RIC1: variants seen among roughly 807,000 people sequenced by gnomAD.
RIC1 encodes the protein RIC1 partner of RAB6A GEF complex.
Under a neutral mutation model 169.0 loss-of-function variants are expected in RIC1, and 88 were observed. The ratio of observed to expected loss-of-function variants is 0.52; its 90% CI spans 0.44 to 0.62. The LOEUF is 0.62. Ranked by LOEUF, RIC1 falls within the 20% of genes least tolerant of loss-of-function variation. The pLI, the probability that RIC1 is intolerant of heterozygous loss-of-function variation, is 0.00. For synonymous variants in RIC1, 790 were observed against 601.5 expected, an observed-to-expected ratio of 1.31 and a Z score of -4.59; for missense variants, 1,877 against 1,725.5, an observed-to-expected ratio of 1.09 and a Z score of -1.56.
At chr9:5,765,878 T>A in intron 21 of RIC1, 80 bp downstream of exon 21, 1 of 1,513,534 alleles carries the variant, frequency 6.6e-7, no homozygotes. Flanking sequence ...AATTAGGTCT[T>A]AATGGAAACA....
At chr9:5,661,191 A>G (rs370350835) in intron 2 of RIC1, among the ~76,000 whole-genome samples, 3 of 152,016 alleles carry the variant, frequency 2.0e-5, no homozygotes, top group Admixed American at 6.6e-5. Context: ...ACGTTGGTCT[A>G]TGTGTTTATT....
At chr9:5,729,643 T>C (rs1200158177) in intron 6 of RIC1, among the ~76,000 whole-genome samples, 1 of 152,172 alleles carries the variant, frequency 6.6e-6, no homozygotes, top group Non-Finnish European at 1.5e-5. Context: ...TTCAGTCATC[T>C]CTCTTTAACT....
chr9:5,646,789 T>C (rs1158085127), intron 1 of RIC1, among the ~76,000 whole-genome samples: 1 of 152,256 alleles, frequency 6.6e-6, no homozygotes, highest in Non-Finnish European at 1.5e-5. Context: ...GTAGTAGCCA[T>C]TGATGCACAG....
intron 2 of RIC1, among the ~76,000 whole-genome samples, chr9:5,687,028 C>G (rs1234221405): frequency 6.6e-6 from 1 of 152,194 alleles, no homozygotes; most frequent in Admixed American, 6.5e-5. Flanking sequence ...CTTTAACAGA[C>G]ATTGGCTTTT....
chr9:5,752,678 C>T (rs988877396), intron 12 of RIC1, among the ~76,000 whole-genome samples: 3 of 152,218 alleles, frequency 2.0e-5, no homozygotes, highest in African/African-American at 7.2e-5. Context: ...TCAGGTGATC[C>T]ACCTGCCTCG....
intron 8 of RIC1, among the ~76,000 whole-genome samples, chr9:5,740,121 C>G (rs949699288): frequency 6.6e-6 from 1 of 152,178 alleles, no homozygotes; most frequent in South Asian, 2.1e-4. Flanking sequence ...TAGGAGCAAC[C>G]AACTAGCTTC....
intron 2 of RIC1, 149 bp from the exon 3 acceptor site, chr9:5,689,810 C>T: frequency 1.8e-6 from 1 of 544,406 alleles, no homozygotes; most frequent in Non-Finnish European, 3.2e-6. Context: ...TAAAAAGTCG[C>T]TTCTATTTGC....
rs1824870232 is a variant in RIC1 at position 5,738,461 on chromosome 9, A to G, written c.824A>G (p.Gln275Arg). 6.3e-7 allele frequency: 1 copy of G among 1,599,760 alleles called. No individual in the cohort carries two copies. Among genetic ancestry groups the G allele is most frequent in the Non-Finnish European group, 8.5e-7 (1 of 1,174,970 alleles). ...MAFGCVSGSV[Q>R]VYTIDNSTGA... ...TGTTGTTTTCACAGTGGTTCTGTGC[A>G]GGTCTATACAATAGATAACAGCACT... Residue 275 changes from glutamine (Q) to arginine (R), a missense_variant, in exon 8 of 26, where the codon CAG becomes CGG. By Grantham distance (43) the Gln-to-Arg change is conservative (BLOSUM62 1). Coordinates refer to ENST00000414202, the MANE Select transcript of RIC1 (RefSeq NM_020829.4).
At chr9:5,692,804 C>T (rs1027354017) in intron 3 of RIC1, among the ~76,000 whole-genome samples, 1 of 152,030 alleles carries the variant, frequency 6.6e-6, no homozygotes, top group South Asian at 2.1e-4. Flanking sequence ...TCTTCATTGT[C>T]ATCTGTGCCA....
rs556955654 is a variant in RIC1 at position 5,745,594 on chromosome 9, T to C, written c.1096-337T>C. Among the ~76,000 whole-genome samples the C allele has an allele frequency of 2.0e-5, 3 of 152,286 alleles. No homozygotes were observed. The South Asian group carries it at 6.2e-4, about 32-fold the overall frequency. The stretch of plus-strand genomic sequence containing the variant: ...AACCTGGGGTGTCTTCTGTAAGGAA[T>C]TTCTTTGTATTTGAGAGGCAGCTAA... On this transcript the variant is annotated intron_variant, in intron 10 of 25. Transcript: ENST00000414202.
chr9:5,720,353 C>T (rs1448456157), intron 5 of RIC1, 29 bp downstream of exon 5: 2 of 1,589,002 alleles, frequency 1.3e-6, no homozygotes, highest in Non-Finnish European at 1.7e-6. Context: ...TGAGGTTGAA[C>T]CAGTTGTTTA....
chr9:5,648,078 G>A (rs182195524), intron 1 of RIC1, among the ~76,000 whole-genome samples: 256 of 152,046 alleles, frequency 1.7e-3, no homozygotes, highest in Non-Finnish European at 3.0e-3. Context: ...CACCTCCCGA[G>A]TTCAAGCAAT....
At chr9:5,740,437 T>A (rs893402813) in intron 8 of RIC1, among the ~76,000 whole-genome samples, 3 of 151,982 alleles carry the variant, frequency 2.0e-5, no homozygotes, top group Non-Finnish European at 4.4e-5. Flanking sequence ...TAAGGTTCTC[T>A]AGGGGACAGA....
intron 6 of RIC1, among the ~76,000 whole-genome samples, chr9:5,724,101 C>T (rs907697434): frequency 2.0e-5 from 3 of 152,164 alleles, no homozygotes; most frequent in Non-Finnish European, 2.9e-5. Context: ...TGAAGAAAGT[C>T]ATTGGTAACT....
chr9:5,722,907 A>G (rs1179279010), intron 6 of RIC1, among the ~76,000 whole-genome samples: 1 of 152,210 alleles, frequency 6.6e-6, no homozygotes, highest in African/African-American at 2.4e-5. Flanking sequence ...TTATGGCTGC[A>G]TAGTATTCCA....
intron 1 of RIC1, among the ~76,000 whole-genome samples, chr9:5,637,277 C>T (rs918839253): frequency 2.0e-5 from 3 of 151,980 alleles, no homozygotes; most frequent in African/African-American, 7.3e-5. Flanking sequence ...CCATGTTGCC[C>T]ACGCTGGTCT....
intron 6 of RIC1, among the ~76,000 whole-genome samples, chr9:5,728,072 G>A (rs1824113622): frequency 6.6e-6 from 1 of 152,236 alleles, no homozygotes; most frequent in Non-Finnish European, 1.5e-5. Flanking sequence ...CTTCAAAGCT[G>A]TTAGACAGGG....
At position 5,774,582 on chromosome 9, in the gene RIC1, ATCT is replaced by A. The variant is rs1196649163; in HGVS notation, c.*340_*342del. 8 of 187,194 alleles carry A rather than the reference ATCT, an allele frequency of 4.3e-5. No homozygotes were observed. The highest frequency in any genetic ancestry group is 7.7e-5 in the Non-Finnish European group (7 of 90,384). The allele number at this position is 187,194 out of a possible 1,614,324, so 11.6% of individuals were successfully genotyped here. A position where few individuals can be genotyped will look rare whatever the true frequency, so the allele number is the denominator to read the frequency against. On this transcript the variant is annotated 3_prime_UTR_variant, in exon 26 of 26. Coordinates refer to ENST00000414202, the MANE Select transcript of RIC1 (RefSeq NM_020829.4). The stretch of plus-strand genomic sequence containing the variant: ...GTGAGCTTACTTTTTCACTACTTAC[ATCT>A]TCTCACATTTCCCGGTTCTGCATTA...
intron 21 of RIC1, among the ~76,000 whole-genome samples, chr9:5,768,263 C>A (rs764573181): frequency 6.6e-6 from 1 of 152,204 alleles, no homozygotes; most frequent in Non-Finnish European, 1.5e-5. Context: ...AGGTGGCTAA[C>A]ACCTGTAATT....
Sources: allele counts gnomAD v4.1 joint callset (sites outside exome capture counted in the v4.1 genomes callset), GRCh38; gene constraint gnomAD v4.1.1; transcripts MANE v1.5; gene names NCBI Gene and HGNC (gene_info 2026-07-23, HGNC 2026-07-21).